The following PRDM16 variants were observed in gnomAD, a reference collection of about 807,000 sequenced individuals.
PRDM16 encodes histone-lysine N-methyltransferase PRDM16.
Under a neutral mutation model 110.6 loss-of-function variants are expected in PRDM16, and 23 were observed. The ratio of observed to expected loss-of-function variants is 0.21; its 90% CI spans 0.15 to 0.29. The LOEUF is 0.29. Among genes scored for constraint, PRDM16 ranks in the 10% least tolerant of loss-of-function variants. The pLI, the probability that PRDM16 is intolerant of heterozygous loss-of-function variation, is 1.00. For synonymous variants in PRDM16, 799 were observed against 781.8 expected (o/e 1.02, Z -0.37); for missense variants, 1,615 against 1,794.3 (o/e 0.90, Z 1.81).
In PRDM16 at chr1:3,262,718, C is replaced by T. The variant is rs192724780; in HGVS notation, c.438+18581C>T. On this transcript the variant is annotated intron_variant, in intron 3 of 16. Transcript: ENST00000270722. ...TTTAGTGGGGGAGGCAGTTCAGTGA[C>T]GATGACAGCAGTAATGACAACACAC... Among the ~76,000 whole-genome samples, 404 of 152,314 alleles carry T rather than the reference C, an allele frequency of 2.7e-3. 1 individual carries two copies. The highest frequency in any genetic ancestry group is 4.4e-3 in the Non-Finnish European group (301 of 68,036).
intron 3 of PRDM16, among the ~76,000 whole-genome samples, chr1:3,302,373 C>A (rs907893871): frequency 1.3e-5 from 2 of 152,150 alleles, no homozygotes; most frequent in Non-Finnish European, 2.9e-5. Context: ...CTTTAATTTA[C>A]AAGTACTTTG....
intron 1 of PRDM16, among the ~76,000 whole-genome samples, chr1:3,169,462 T>C (rs1265219332): frequency 2.0e-5 from 3 of 151,994 alleles, no homozygotes; most frequent in Admixed American, 6.5e-5. Flanking sequence ...CTTGTTGGCC[T>C]GGGGTTTGAG....
chr1:3,327,063 A>T (rs1026223144), intron 3 of PRDM16, among the ~76,000 whole-genome samples: 5 of 152,258 alleles, frequency 3.3e-5, no homozygotes, highest in Non-Finnish European at 7.3e-5. Flanking sequence ...CGGTCAGCCC[A>T]GCCTGCAGGC....
rs2100662376 is a variant in PRDM16 at position 3,411,589 on chromosome 1, C to T, written c.1392C>T (p.Thr464=). 6.2e-7 allele frequency: 1 copy of T among 1,614,038 alleles called. No individual in the cohort carries two copies. Among genetic ancestry groups the T allele is most frequent in the Non-Finnish European group, 8.5e-7 (1 of 1,180,000 alleles). ...TCTTTGCCCCGGGCCTGCCCTTGACCCCCAGCCCCATGATGGACAAGGCAA... is the reference window on the plus strand; with the variant it reads ...TCTTTGCCCCGGGCCTGCCCTTGACTCCCAGCCCCATGATGGACAAGGCAA... The part of the protein sequence containing the change: ...GGIFAPGLPL[T]PSPMMDKAKP... The change falls in exon 9 of 17, where the codon ACC becomes ACT. Residue 464 remains threonine (T), a synonymous_variant. Transcript: ENST00000270722.
At chr1:3,203,788 C>T (rs1037965770) in intron 2 of PRDM16, among the ~76,000 whole-genome samples, 2 of 152,202 alleles carry the variant, frequency 1.3e-5, no homozygotes, top group African/African-American at 2.4e-5. Context: ...ACCCTGTTTC[C>T]AACTCAGGCC....
intron 1 of PRDM16, among the ~76,000 whole-genome samples, chr1:3,141,865 G>A (rs982568284): frequency 6.6e-6 from 1 of 152,244 alleles, no homozygotes; most frequent in Non-Finnish European, 1.5e-5. Flanking sequence ...TGGACCCCAA[G>A]AGAGAATGCC....
Position 3,412,757 on chromosome 1 carries a change from C to T in PRDM16, c.2560C>T (p.His854Tyr). Residue 854 changes from histidine (H) to tyrosine (Y), a missense_variant, in exon 9 of 17, where the codon CAC becomes TAC. His to Tyr is a moderately conservative substitution (Grantham distance 83). Coordinates refer to ENST00000270722, the MANE Select transcript of PRDM16 (RefSeq NM_022114.4). ...GCGGATGCCCCAGCAGCCCCCGCTC[C>T]ACTACGCCAAGCCCTCGCCCTTCTT... Reference protein sequence around the residue: ...PARMPQQPPLHYAKPSPFFMD... With the variant: ...PARMPQQPPLYYAKPSPFFMD... 8 of 1,500,912 alleles carry T rather than the reference C, an allele frequency of 5.3e-6. No individual in the cohort carries two copies. The highest frequency in any genetic ancestry group is 7.1e-6 in the Non-Finnish European group (8 of 1,125,986). The allele number at this position is 1,500,912 out of a possible 1,614,324, so 93.0% of individuals were successfully genotyped here.
chr1:3,244,219 C>T lies in PRDM16; in HGVS notation c.438+82C>T, dbSNP rs1639737249. 1.5e-6 allele frequency: 2 copies of T among 1,298,074 alleles called. No individual in the cohort carries two copies. The highest frequency in any genetic ancestry group is 2.2e-6 in the Non-Finnish European group (2 of 899,098). The allele number at this position is 1,298,074 out of a possible 1,614,324, so 80.4% of individuals were successfully genotyped here. On this transcript the variant is annotated intron_variant, in intron 3 of 16. Transcript: ENST00000270722. This position sits in a 1 kb window ranked among gnomAD's most constrained non-coding sequence, Gnocchi z 4.1. ...GGGGCGACCGCCATCCCAGCTGTCC[C>T]TGAGCTAACAAGCGTGTAGTCGGAA...
rs764863295 is a variant in PRDM16 at position 3,433,726 on chromosome 1, C to T, written c.3746C>T (p.Pro1249Leu). Residue 1249 changes from proline (P) to leucine (L), a missense_variant, in exon 17 of 17, where the codon CCC (proline) becomes CTC (leucine). Pro to Leu is a moderately conservative substitution (Grantham distance 98). Coordinates refer to ENST00000270722, the MANE Select transcript of PRDM16 (RefSeq NM_022114.4). Reference protein sequence around the residue: ...SLSEDTPLHTPSQGSLDAWLK... With the variant: ...SLSEDTPLHTLSQGSLDAWLK... ...TCCGAAGACACTCCTCTCCACACCC[C>T]CTCCCAGGGTTCTCTGGACGCTTGG... 13 of 1,613,918 alleles carry T rather than the reference C, an allele frequency of 8.1e-6. No homozygotes were observed. The South Asian group carries it at 1.1e-4, about 14-fold the overall frequency.
chr1:3,083,252 C>A (rs758998108), intron 1 of PRDM16, among the ~76,000 whole-genome samples: 87 of 152,274 alleles, frequency 5.7e-4, no homozygotes, highest in Non-Finnish European at 9.3e-4. Context: ...CTCCTGGCTG[C>A]GCCCCACCAA....
intron 2 of PRDM16, among the ~76,000 whole-genome samples, chr1:3,218,686 G>A (rs530437562): frequency 6.6e-6 from 1 of 152,118 alleles, no homozygotes; most frequent in South Asian, 2.1e-4. Context: ...ACACTGGCAG[G>A]TGCCTCTGCC....
intron 1 of PRDM16, among the ~76,000 whole-genome samples, chr1:3,110,843 G>A (rs1261294264): frequency 6.6e-6 from 1 of 152,156 alleles, no homozygotes; most frequent in Non-Finnish European, 1.5e-5. Flanking sequence ...CACATGCTTG[G>A]GGCCGGGATG....
intron 2 of PRDM16, among the ~76,000 whole-genome samples, chr1:3,233,886 T>A (rs2100892131): frequency 6.8e-6 from 1 of 146,312 alleles, no homozygotes; most frequent in Admixed American, 6.6e-5. Flanking sequence ...GTGTTGGGGT[T>A]TTTTTAAAAA....
intron 3 of PRDM16, among the ~76,000 whole-genome samples, chr1:3,318,305 A>C (rs972905432): frequency 6.6e-6 from 1 of 152,170 alleles, no homozygotes; most frequent in Admixed American, 6.5e-5. Context: ...ACTTGTGACG[A>C]TTCTTGAGGA....
chr1:3,210,127 C>A (rs750570646), intron 2 of PRDM16, among the ~76,000 whole-genome samples: 1 of 152,190 alleles, frequency 6.6e-6, no homozygotes, highest in Non-Finnish European at 1.5e-5. Flanking sequence ...ATTGCAGCAG[C>A]GGAAACCAGC....
chr1:3,289,325 G>C (rs1341168582), intron 3 of PRDM16, among the ~76,000 whole-genome samples: 1 of 152,250 alleles, frequency 6.6e-6, no homozygotes, highest in Non-Finnish European at 1.5e-5. Flanking sequence ...GAAATCTGCA[G>C]GTGGGCAAGC....
chr1:3,192,328 T>C (rs540543628), intron 2 of PRDM16, among the ~76,000 whole-genome samples: 1 of 152,216 alleles, frequency 6.6e-6, no homozygotes, highest in South Asian at 2.1e-4. Context: ...CTCTGGGAGT[T>C]CCGGCTGGGT....
intron 8 of PRDM16, among the ~76,000 whole-genome samples, chr1:3,406,469 C>T (rs1432340388): frequency 3.3e-5 from 5 of 152,074 alleles, no homozygotes; most frequent in Admixed American, 2.0e-4. Flanking sequence ...GTGGCTCACA[C>T]CTGTAATCCC....
At chr1:3,409,518 C>G (rs751957766) in intron 8 of PRDM16, among the ~76,000 whole-genome samples, 2 of 152,146 alleles carry the variant, frequency 1.3e-5, no homozygotes, top group Admixed American at 6.5e-5. Flanking sequence ...GGGAAAAGCT[C>G]CCAGCTGGAG....
Sources: allele counts gnomAD v4.1 joint callset (sites outside exome capture counted in the v4.1 genomes callset), GRCh38; gene constraint gnomAD v4.1.1; non-coding constraint Gnocchi (gnomAD v3.1); transcripts MANE v1.5; gene names NCBI Gene and HGNC (gene_info 2026-07-23, HGNC 2026-07-21).